The following SENP8 variants were observed in gnomAD, a reference collection of about 807,000 sequenced individuals.
The protein encoded by SENP8 is SUMO peptidase family member, NEDD8 specific.
A neutral mutation model predicts 14.4 loss-of-function variants in SENP8; 10 were observed. The observed-to-expected ratio is 0.69, with a 90% confidence interval of 0.43 to 1.18. The LOEUF (loss-of-function observed/expected upper bound fraction) is 1.18, where lower values mean the gene tolerates loss of function less well. SENP8 is among the 50% of genes most tolerant of loss of function. SENP8 has a pLI of 0.00. For missense variants in SENP8, 202 were observed against 249.4 expected, an observed-to-expected ratio of 0.81 and a Z score of 1.28; for synonymous variants, 94 against 95.5, an observed-to-expected ratio of 0.98 and a Z score of 0.09.
At chr15:72,135,681 A>T (rs1259947074) in intron 1 of SENP8, among the ~76,000 whole-genome samples, 1 of 152,222 alleles carries the variant, frequency 6.6e-6, no homozygotes, top group Non-Finnish European at 1.5e-5. Context: ...TGCTGTATGG[A>T]ACAGAATTAA....
Position 72,141,199 on chromosome 15 carries a change from TATGTC to T in SENP8, c.*941_*945del, listed in dbSNP as rs2081377485. On this transcript the variant is annotated 3_prime_UTR_variant, in exon 2 of 2. Coordinates refer to ENST00000340912, the MANE Select transcript of SENP8 (RefSeq NM_145204.4). ...TAATTCTGGCAGAATTGTTTTTAGT[TATGTC>T]ATGGTAATTTCAGGATGATTTTTGT... 6.6e-6 allele frequency: 1 copy of T among 152,270 alleles called. No homozygotes were observed. 9.4% of individuals were successfully genotyped at this position (152,270 alleles called of 1,614,324 possible).
At chr15:72,114,994 A>G (rs905132090), upstream of SENP8, among the ~76,000 whole-genome samples, 5 of 152,172 alleles carry the variant, frequency 3.3e-5, no homozygotes, top group Admixed American at 3.3e-4. Context: ...TTATATCGCT[A>G]ACTTCTATTG....
chr15:72,117,586 A>G, upstream of SENP8: 1 of 383,448 alleles, frequency 2.6e-6, no homozygotes, highest in East Asian at 3.7e-5. Flanking sequence ...CTCCGCTGGG[A>G]CGGGGCGGGG....
upstream of SENP8, chr15:72,117,703 C>T: frequency 2.5e-6 from 1 of 397,048 alleles, no homozygotes; most frequent in Non-Finnish European, 4.4e-6. Flanking sequence ...GCGGTGGCCA[C>T]CGCAGCCCCC....
intron 1 of SENP8, among the ~76,000 whole-genome samples, chr15:72,133,775 A>T (rs2081299302): frequency 6.6e-6 from 1 of 152,224 alleles, no homozygotes; most frequent in Admixed American, 6.5e-5. Flanking sequence ...TAAGCTCAGT[A>T]AGGGTAGAAA....
intron 1 of SENP8, among the ~76,000 whole-genome samples, chr15:72,137,341 C>G (rs928703038): frequency 1.3e-5 from 2 of 152,144 alleles, no homozygotes; most frequent in South Asian, 4.2e-4. Context: ...AATGACTGCT[C>G]AAGATGATAC....
chr15:72,123,920 A>G (rs972742713), intron 1 of SENP8, among the ~76,000 whole-genome samples: 3 of 152,212 alleles, frequency 2.0e-5, no homozygotes, highest in African/African-American at 7.2e-5. Context: ...AGCCATTGAT[A>G]GCTGTGCCTA....
intron 1 of SENP8, among the ~76,000 whole-genome samples, chr15:72,124,981 A>G (rs2081202965): frequency 1.3e-5 from 2 of 152,188 alleles, no homozygotes. Flanking sequence ...TGACAATATT[A>G]TATTTAATGG....
Position 72,120,459 on chromosome 15 carries a change from A to G in SENP8, c.-48+1995A>G, listed in dbSNP as rs564486289. Among the ~76,000 whole-genome samples, 9 of 152,306 alleles carry G rather than the reference A, an allele frequency of 5.9e-5. No individual in the cohort carries two copies. In the South Asian group the frequency reaches 1.9e-3, roughly 32 times the overall value. Reference sequence around the variant, plus strand: ...GATGAAGATGATAAAGTGGGTGTGAACAGATTATGAGGAGCCTTGAATTCC... The same window carrying G: ...GATGAAGATGATAAAGTGGGTGTGAGCAGATTATGAGGAGCCTTGAATTCC... On this transcript the variant is annotated intron_variant, in intron 1 of 1. Transcript: ENST00000340912.
At chr15:72,126,917 C>T (rs2081226183) in intron 1 of SENP8, among the ~76,000 whole-genome samples, 1 of 152,130 alleles carries the variant, frequency 6.6e-6, no homozygotes, top group Admixed American at 6.5e-5. Flanking sequence ...CAAGGTTCTG[C>T]ACCTTTCTCT....
chr15:72,117,404 G>A (rs1020599927), upstream of SENP8, among the ~76,000 whole-genome samples: 4 of 152,206 alleles, frequency 2.6e-5, no homozygotes, highest in Non-Finnish European at 5.9e-5. Flanking sequence ...GGGACTCTGA[G>A]GGGTACTAAT....
In SENP8 at chr15:72,143,106, G is replaced by A. The variant is rs752832394; in HGVS notation, c.*2844G>A. The A allele has an allele frequency of 6.6e-6, 1 of 152,182 alleles. No homozygotes were observed. The highest frequency in any genetic ancestry group is 1.5e-5 in the Non-Finnish European group (1 of 68,124). 9.4% of individuals were successfully genotyped at this position (152,182 alleles called of 1,614,324 possible). On this transcript the variant is annotated 3_prime_UTR_variant, in exon 2 of 2. Transcript: ENST00000340912. ...CCAGCTACTCAGCAGGCTGAGGCAG[G>A]AGAATCACTTGAACCTGGGAGGCGG...
At position 72,142,639 on chromosome 15, in the gene SENP8, T is replaced by C. The variant is rs1372762060; in HGVS notation, c.*2377T>C. 6.6e-6 allele frequency: 1 copy of C among 152,206 alleles called. No individual in the cohort carries two copies. Among genetic ancestry groups the C allele is most frequent in the African/African-American group, 2.4e-5 (1 of 41,458 alleles). 9.4% of individuals were successfully genotyped at this position (152,206 alleles called of 1,614,324 possible). On this transcript the variant is annotated 3_prime_UTR_variant, in exon 2 of 2. Transcript: ENST00000340912. ...TATGGAATTCAGAAAAGTTACCATA[T>C]ATAAACCCAGCTATAAATGGTTGTA...
intron 1 of SENP8, chr15:72,134,794 A>G: frequency 3.6e-6 from 1 of 274,534 alleles, no homozygotes; most frequent in Non-Finnish European, 7.3e-6. Context: ...TCAAAAAGGA[A>G]TGTCCCAGAA....
chr15:72,136,913 G>A (rs1433285431), intron 1 of SENP8, among the ~76,000 whole-genome samples: 1 of 152,150 alleles, frequency 6.6e-6, no homozygotes, highest in Non-Finnish European at 1.5e-5. Context: ...GAGTCTGTTA[G>A]GCTCAAATAT....
chr15:72,134,647 A>G (rs1481304403), intron 1 of SENP8: 1 of 202,552 alleles, frequency 4.9e-6, no homozygotes, highest in African/African-American at 2.4e-5. Context: ...CCAAATGACT[A>G]ACACAAAGGG....
rs1359564333 is a variant in SENP8 at position 72,142,754 on chromosome 15, A to T, written c.*2492A>T. On this transcript the variant is annotated 3_prime_UTR_variant, in exon 2 of 2. Coordinates refer to ENST00000340912, the MANE Select transcript of SENP8 (RefSeq NM_145204.4). ...TGGCAAGGTATATGTTGAAGTTCACAAGCGCTGGTCCTAACCAGATCAGAT... is the reference window on the plus strand; with the variant it reads ...TGGCAAGGTATATGTTGAAGTTCACTAGCGCTGGTCCTAACCAGATCAGAT... 6.6e-6 allele frequency: 1 copy of T among 152,244 alleles called. No individual in the cohort carries two copies. The highest frequency in any genetic ancestry group is 1.5e-5 in the Non-Finnish European group (1 of 68,040). 9.4% of individuals were successfully genotyped at this position (152,244 alleles called of 1,614,324 possible).
rs1567073232 is a variant in SENP8, at chr15:72,141,809, G to T, written c.*1547G>T. 1 of 152,174 alleles carries T rather than the reference G, an allele frequency of 6.6e-6. No homozygotes were observed. The highest frequency in any genetic ancestry group is 2.4e-5 in the African/African-American group (1 of 41,414). 9.4% of individuals were successfully genotyped at this position (152,174 alleles called of 1,614,324 possible). ...GGGCTAGGAAAAAGATTAGGAACTG[G>T]CAGTCATCCATAGAGGTGAAATACA... On this transcript the variant is annotated 3_prime_UTR_variant, in exon 2 of 2. Coordinates refer to ENST00000340912, the MANE Select transcript of SENP8 (RefSeq NM_145204.4).
At chr15:72,125,496 A>G (rs1469834165) in intron 1 of SENP8, among the ~76,000 whole-genome samples, 1 of 152,082 alleles carries the variant, frequency 6.6e-6, no homozygotes, top group African/African-American at 2.4e-5. Flanking sequence ...TATCTAAAAT[A>G]TAATTTGATG....
Sources: allele counts gnomAD v4.1 joint callset (sites outside exome capture counted in the v4.1 genomes callset), GRCh38; gene constraint gnomAD v4.1.1; transcripts MANE v1.5; gene names NCBI Gene and HGNC (gene_info 2026-07-23, HGNC 2026-07-21).